Variants in LMO3 observed in about 807,000 individuals in gnomAD.
The protein encoded by LMO3 is LIM domain only 3.
LMO3 carries 2 observed loss-of-function variants against 15.8 expected under a neutral mutation model. The ratio of observed to expected loss-of-function variants is 0.13; its 90% confidence interval spans 0.05 to 0.40. The LOEUF (loss-of-function observed/expected upper bound fraction) is 0.40. Ranked by LOEUF, LMO3 falls within the 10% of genes least tolerant of loss-of-function variation. LMO3 has a pLI of 0.99. For synonymous variants in LMO3, 62 were observed against 63.8 expected (o/e 0.97, Z 0.13); for missense variants, 86 against 182.2 (o/e 0.47, Z 3.04).
chr12:16,563,737 C>T (rs1419577368), intron 2 of LMO3, among the ~76,000 whole-genome samples: 1 of 152,010 alleles, frequency 6.6e-6, no homozygotes, highest in Non-Finnish European at 1.5e-5. Flanking sequence ...AGTTCTTAGT[C>T]GTACACTGAG....
Position 16,582,231 on chromosome 12 carries a change from C to T in LMO3, c.206+18424G>A, listed in dbSNP as rs183408925. Among the ~76,000 whole-genome samples, 33 of 152,238 alleles carry T rather than the reference C, an allele frequency of 2.2e-4. No individual in the cohort carries two copies. The East Asian group carries it at 4.8e-3, about 22-fold the overall frequency. ...TCAATTGCCTTTTTGGTACAGACTG[C>T]CATAACTATGGTGTTTCTTCCTCCA... is the stretch of plus-strand genomic sequence containing the variant. On this transcript the variant is annotated intron_variant, in intron 2 of 3. Coordinates refer to ENST00000537304, the MANE Select transcript of LMO3 (RefSeq NM_018640.5). This position sits in a 1 kb window ranked among gnomAD's most constrained non-coding sequence, Gnocchi z 4.1.
chr12:16,558,132 T>TCAAA (rs1240667146), intron 3 of LMO3, among the ~76,000 whole-genome samples: 5 of 152,022 alleles, frequency 3.3e-5, no homozygotes, highest in Non-Finnish European at 5.9e-5. Flanking sequence ...AGTCCAAATA[T>TCAAA]CAAACATTAG....
chr12:16,566,017 TATATATATATATATATATATATAA>T (rs1942591975), intron 2 of LMO3, among the ~76,000 whole-genome samples: 1 of 77,780 alleles, frequency 1.3e-5, no homozygotes, highest in African/African-American at 5.3e-5. Flanking sequence ...TATATATATA[TATATATATATATATATATATATAA>T]AATGGAGTAC....
At chr12:16,608,308 A>G (rs1050387723), upstream of LMO3, 4 of 152,142 alleles carry the variant, frequency 2.6e-5, no homozygotes, top group African/African-American at 9.7e-5. The surrounding 1 kb of genome is among the most constrained non-coding windows in gnomAD (Gnocchi z 4.1). Context: ...AATTAAATTA[A>G]TTATGTTCAA....
At chr12:16,551,613 C>T (rs1329075559) in intron 3 of LMO3, among the ~76,000 whole-genome samples, 2 of 147,146 alleles carry the variant, frequency 1.4e-5, no homozygotes, top group East Asian at 3.9e-4. Context: ...TTTTAAACCA[C>T]ACTGGAAAGA....
intron 2 of LMO3, among the ~76,000 whole-genome samples, chr12:16,581,779 C>G (rs1251825829): frequency 1.3e-5 from 2 of 151,910 alleles, no homozygotes; most frequent in African/African-American, 4.8e-5. Flanking sequence ...ATGCTGAACT[C>G]TAAAGCATAT....
Position 16,584,880 on chromosome 12 carries a change from G to C in LMO3, c.206+15775C>G, listed in dbSNP as rs891971985. Among the ~76,000 whole-genome samples, 1 of 152,128 alleles carries C rather than the reference G, an allele frequency of 6.6e-6. No homozygotes were observed. The highest frequency in any genetic ancestry group is 2.4e-5 in the African/African-American group (1 of 41,428). ...TCTCTTCAAGAATTCAGGATGCGAG[G>C]AAATATTTTCAAACACCTTAGCGAA... On this transcript the variant is annotated intron_variant, in intron 2 of 3. Coordinates refer to ENST00000537304, the MANE Select transcript of LMO3 (RefSeq NM_018640.5). This position sits in a 1 kb window ranked among gnomAD's most constrained non-coding sequence, Gnocchi z 5.2.
intron 3 of LMO3, among the ~76,000 whole-genome samples, chr12:16,556,937 T>C (rs1942213967): frequency 6.6e-6 from 1 of 152,086 alleles, no homozygotes; most frequent in African/African-American, 2.4e-5. Context: ...CAGAAATATA[T>C]TAGGTACTTT....
At chr12:16,600,113 G>C (rs1252367223) in intron 2 of LMO3, 3 of 152,664 alleles carry the variant, frequency 2.0e-5, no homozygotes, top group Non-Finnish European at 4.4e-5. Flanking sequence ...CTGAAACAGA[G>C]AAGACAGCTG....
rs1942159373 is a variant in LMO3 at position 16,555,477 on chromosome 12, T to C, written c.333-4150A>G. On this transcript the variant is annotated intron_variant, in intron 3 of 3. Coordinates refer to ENST00000537304, the MANE Select transcript of LMO3 (RefSeq NM_018640.5). This position sits in a 1 kb window ranked among gnomAD's most constrained non-coding sequence, Gnocchi z 5.5. Reference sequence around the variant, plus strand: ...TTTTGAACCCTTTGCAGAACCATCATAAACTGTACTACCACTTAAGGTGTG... The same window carrying C: ...TTTTGAACCCTTTGCAGAACCATCACAAACTGTACTACCACTTAAGGTGTG... Among the ~76,000 whole-genome samples, 2 of 152,256 alleles carry C rather than the reference T, an allele frequency of 1.3e-5. No homozygotes were observed. The highest frequency in any genetic ancestry group is 6.5e-5 in the Admixed American group (1 of 15,290).
At chr12:16,605,404 C>T in intron 1 of LMO3, 1 of 1,204,246 alleles carries the variant, frequency 8.3e-7, no homozygotes, top group Non-Finnish European at 1.0e-6. Flanking sequence ...AGGGACCTTC[C>T]CTCTTCTAGC....
At chr12:16,571,182 T>C (rs978438193) in intron 2 of LMO3, among the ~76,000 whole-genome samples, 2 of 152,108 alleles carry the variant, frequency 1.3e-5, no homozygotes, top group African/African-American at 4.8e-5. Flanking sequence ...TCACCTATTG[T>C]ATAAGTTAAA....
rs932205950 is a variant in LMO3, at chr12:16,582,212, G to A, written c.206+18443C>T. Among the ~76,000 whole-genome samples, 1 of 152,062 alleles carries A rather than the reference G, an allele frequency of 6.6e-6. No homozygotes were observed. The highest frequency in any genetic ancestry group is 2.4e-5 in the African/African-American group (1 of 41,408). ...TTGAAATGGCTGAATTTTATCAATT[G>A]CCTTTTTGGTACAGACTGCCATAAC... On this transcript the variant is annotated intron_variant, in intron 2 of 3. Coordinates refer to ENST00000537304, the MANE Select transcript of LMO3 (RefSeq NM_018640.5). The surrounding 1 kb of genome is among the most constrained non-coding windows in gnomAD (Gnocchi z 4.1).
In LMO3 at chr12:16,591,852, A is replaced by G. The variant is rs1943503944; in HGVS notation, c.206+8803T>C. Reference sequence around the variant, plus strand: ...TTATGAAATAATTTTTATGAAGTCCAGATACTTTATAACCTCCCTGCTTCA... The same window carrying G: ...TTATGAAATAATTTTTATGAAGTCCGGATACTTTATAACCTCCCTGCTTCA... On this transcript the variant is annotated intron_variant, in intron 2 of 3. Coordinates refer to ENST00000537304, the MANE Select transcript of LMO3 (RefSeq NM_018640.5). This position sits in a 1 kb window ranked among gnomAD's most constrained non-coding sequence, Gnocchi z 4.1. 6.6e-6 allele frequency among the ~76,000 whole-genome samples: 1 copy of G among 152,060 alleles called. No homozygotes were observed. Among genetic ancestry groups the G allele is most frequent in the African/African-American group, 2.4e-5 (1 of 41,438 alleles).
upstream of LMO3, chr12:16,608,732 GGAGA>G (rs955980959): frequency 3.9e-5 from 6 of 151,904 alleles, no homozygotes; most frequent in Non-Finnish European, 5.9e-5. The surrounding 1 kb of genome is among the most constrained non-coding windows in gnomAD (Gnocchi z 4.1). Flanking sequence ...GAGAGACAGA[GGAGA>G]GAGAGAGACA....
chr12:16,566,338 A>C (rs1046365796), intron 2 of LMO3, among the ~76,000 whole-genome samples: 12 of 151,900 alleles, frequency 7.9e-5, no homozygotes, highest in Admixed American at 3.3e-4. Flanking sequence ...GTTATTGCAC[A>C]GTAGGGTGAC....
In LMO3 at chr12:16,586,031, A is replaced by G. The variant is rs2137577416; in HGVS notation, c.206+14624T>C. Among the ~76,000 whole-genome samples, 1 of 152,262 alleles carries G rather than the reference A, an allele frequency of 6.6e-6. No homozygotes were observed. Among genetic ancestry groups the G allele is most frequent in the East Asian group, 1.9e-4 (1 of 5,178 alleles). On this transcript the variant is annotated intron_variant, in intron 2 of 3. Coordinates refer to ENST00000537304, the MANE Select transcript of LMO3 (RefSeq NM_018640.5). The surrounding 1 kb of genome is among the most constrained non-coding windows in gnomAD (Gnocchi z 4.3). ...GACACTGATGTTTTTGCAGCTGTTAATGAAAATCTTCAACACAGGAAAACA... is the reference window on the plus strand; with the variant it reads ...GACACTGATGTTTTTGCAGCTGTTAGTGAAAATCTTCAACACAGGAAAACA...
intron 3 of LMO3, among the ~76,000 whole-genome samples, chr12:16,553,894 G>C (rs1942084771): frequency 6.6e-6 from 1 of 150,844 alleles, no homozygotes. Flanking sequence ...ATTATGAAAG[G>C]AGTGATAGCC....
chr12:16,556,691 C>T (rs2137293420), intron 3 of LMO3, among the ~76,000 whole-genome samples: 1 of 152,204 alleles, frequency 6.6e-6, no homozygotes, highest in East Asian at 1.9e-4. Context: ...TATGGGTTTC[C>T]TGGAGGAGAC....
Sources: allele counts gnomAD v4.1 joint callset (sites outside exome capture counted in the v4.1 genomes callset), GRCh38; gene constraint gnomAD v4.1.1; non-coding constraint Gnocchi (gnomAD v3.1); transcripts MANE v1.5; gene names NCBI Gene and HGNC (gene_info 2026-07-23, HGNC 2026-07-21).